The following GNB5 variants were observed in gnomAD, a reference collection of about 807,000 sequenced individuals.
GNB5 encodes the protein G protein subunit beta 5, also known as guanine nucleotide-binding protein subunit beta-5.
GNB5 carries 37 observed loss-of-function variants against 55.3 expected under a neutral mutation model. That is an observed-to-expected ratio of 0.67 (90% CI 0.51 to 0.88). The LOEUF (loss-of-function observed/expected upper bound fraction) is 0.88. Ranked by LOEUF, GNB5 falls within the 40% of genes least tolerant of loss-of-function variation. The pLI, the probability that GNB5 is intolerant of heterozygous loss-of-function variation, is 0.00. For synonymous variants in GNB5, 219 were observed against 198.5 expected (o/e 1.10, Z -0.87); for missense variants, 476 against 515.3 (o/e 0.92, Z 0.74).
chr15:52,179,798 C>T lies in GNB5; in HGVS notation c.208G>A (p.Glu70Lys), dbSNP rs1306632265. 9 of 1,546,864 alleles carry T rather than the reference C, an allele frequency of 5.8e-6. No individual in the cohort carries two copies. The highest frequency in any genetic ancestry group is 1.4e-5 in the African/African-American group (1 of 70,152). ...EAESLKGKLE[E>K]ERAKLHDVEL... ...ACATCGTGCAGCTTGGCTCGCTCCT[C>T]CTCCAGCTTGCCCTTGAGGCTCTCG... The change falls in exon 3 of 13, where the codon GAG (glutamate) becomes AAG (lysine). Residue 70 changes from glutamate (E) to lysine (K), a missense_variant. By Grantham distance (56) the Glu-to-Lys change is moderately conservative (BLOSUM62 1). Transcript: ENST00000261837.
At chr15:52,171,877 A>G (rs540333403) in intron 3 of GNB5, among the ~76,000 whole-genome samples, 1 of 152,376 alleles carries the variant, frequency 6.6e-6, no homozygotes, top group African/African-American at 2.4e-5. Flanking sequence ...ACATCCTTCT[A>G]TCAAATTTAG....
intron 7 of GNB5, among the ~76,000 whole-genome samples, chr15:52,136,360 TC>T (rs1416194870): frequency 6.6e-6 from 1 of 152,180 alleles, no homozygotes; most frequent in African/African-American, 2.4e-5. Context: ...TAGGAAGTGT[TC>T]CGTGAGTCTC....
intron 9 of GNB5, among the ~76,000 whole-genome samples, chr15:52,133,173 T>C (rs577424238): frequency 6.6e-6 from 1 of 152,298 alleles, no homozygotes; most frequent in African/African-American, 2.4e-5. Context: ...TTAGGGAGGA[T>C]ATTAATTGCT....
At chr15:52,136,064 AACACACACACACACAC>A (rs147163026) in intron 7 of GNB5, among the ~76,000 whole-genome samples, 20 of 98,044 alleles carry the variant, frequency 2.0e-4, no homozygotes, top group African/African-American at 9.1e-4. Context: ...GGAAAAGCAG[AACACACACACACACAC>A]ACACACACAC....
At position 52,133,442 on chromosome 15, in the gene GNB5, C is replaced by A; in HGVS notation, c.799G>T (p.Asp267Tyr). The change falls in exon 9 of 13, where the codon GAC becomes TAC. Residue 267 changes from aspartate to tyrosine, a missense_variant. By Grantham distance (160) the Asp-to-Tyr change is radical. Transcript: ENST00000261837. ...TGCACGCACTGGCCGGAGCGCATGT[C>A]CCACACCATGGCTTTCTTGTCACAT... ...GGCDKKAMVW[D>Y]MRSGQCVQAF... 1 of 1,612,772 alleles carries A rather than the reference C, an allele frequency of 6.2e-7. No homozygotes were observed. Among genetic ancestry groups the A allele is most frequent in the African/African-American group, 1.3e-5 (1 of 75,034 alleles).
At position 52,179,964 on chromosome 15, in the gene GNB5, G is replaced by A. The variant is rs1033641030; in HGVS notation, c.127-85C>T. 1.2e-5 allele frequency: 17 copies of A among 1,388,648 alleles called. No homozygotes were observed. The East Asian group carries it at 2.0e-4, about 17-fold the overall frequency. 86.0% of individuals were successfully genotyped at this position (1,388,648 alleles called of 1,614,324 possible). On this transcript the variant is annotated intron_variant, in intron 2 of 12. Transcript: ENST00000261837. ...GGGCGCCGCTCCAGCAGCCGTCCCC[G>A]GCCCCGAGCACCGCCCCGCGGCCCC...
intron 3 of GNB5, among the ~76,000 whole-genome samples, chr15:52,159,034 G>T (rs1566943856): frequency 6.6e-6 from 1 of 152,176 alleles, no homozygotes; most frequent in Non-Finnish European, 1.5e-5. Flanking sequence ...TCAGATGAGA[G>T]GAGGTCCTAG....
In GNB5 at chr15:52,117,102, A is replaced by ATATATATTTTTTTTTTTTTTT; in HGVS notation, c.*5654_*5655insAAAAAAAAAAAAAAATATATA. The stretch of plus-strand genomic sequence containing the variant: ...CCACGCCCAGCTAATATATATATAT[A>ATATATATTTTTTTTTTTTTTT]TTTTTTTTTAGTACAGACAGGGTTT... On this transcript the variant is annotated 3_prime_UTR_variant, in exon 13 of 13. Transcript: ENST00000261837. The ATATATATTTTTTTTTTTTTTT allele has an allele frequency of 9.2e-5, 8 of 87,098 alleles. No individual in the cohort carries two copies. The highest frequency in any genetic ancestry group is 4.9e-4 in the African/African-American group (8 of 16,444). The allele number at this position is 87,098 out of a possible 1,614,324, so 5.4% of individuals were successfully genotyped here.
intron 5 of GNB5, among the ~76,000 whole-genome samples, chr15:52,148,056 A>G (rs1279130798): frequency 6.8e-6 from 1 of 146,792 alleles, no homozygotes; most frequent in Non-Finnish European, 1.5e-5. Flanking sequence ...TCAACTAGCA[A>G]AAGCAAAAAA....
intron 4 of GNB5, among the ~76,000 whole-genome samples, chr15:52,151,898 G>A (rs2034104257): frequency 6.6e-6 from 1 of 152,008 alleles, no homozygotes; most frequent in Non-Finnish European, 1.5e-5. Context: ...TCGAGCCCAG[G>A]AAGTCAAGGC....
chr15:52,147,320 C>G (rs1478600469), intron 6 of GNB5, 139 bp downstream of exon 6: 11 of 664,352 alleles, frequency 1.7e-5, no homozygotes, highest in East Asian at 1.2e-4. Flanking sequence ...CTTCTTTGAT[C>G]AAGTTCAGGG....
rs1449447167 is a variant in GNB5, at chr15:52,147,546, GCA to G, written c.418-13_418-12del. 2.0e-6 allele frequency: 3 copies of G among 1,478,864 alleles called. No homozygotes were observed. Among genetic ancestry groups the G allele is most frequent in the Non-Finnish European group, 2.8e-6 (3 of 1,080,604 alleles). 91.6% of individuals were successfully genotyped at this position (1,478,864 alleles called of 1,614,324 possible). ...GGTGACCGCGTGCTCCTGAAACACA[GCA>G]CAGAGTGAACAACTAGCACTTCCAC... On this transcript the variant is annotated splice_polypyrimidine_tract_variant and intron_variant, in intron 5 of 12. Coordinates refer to ENST00000261837, the MANE Select transcript of GNB5 (RefSeq NM_016194.4).
intron 3 of GNB5, among the ~76,000 whole-genome samples, chr15:52,155,884 G>A (rs960521559): frequency 6.6e-6 from 1 of 152,138 alleles, no homozygotes; most frequent in Non-Finnish European, 1.5e-5. Flanking sequence ...TTTATCTTTT[G>A]TAATGAAAAG....
intron 3 of GNB5, among the ~76,000 whole-genome samples, chr15:52,158,917 C>G (rs190718712): frequency 3.9e-4 from 59 of 152,234 alleles, no homozygotes; most frequent in African/African-American, 1.3e-3. Flanking sequence ...GTGGGACTTG[C>G]TAAGCTAGAT....
chr15:52,133,091 T>C (rs2033620300), intron 9 of GNB5, among the ~76,000 whole-genome samples: 2 of 152,244 alleles, frequency 1.3e-5, no homozygotes, highest in African/African-American at 2.4e-5. Flanking sequence ...TCCCAGTTCC[T>C]AGAATAATAT....
chr15:52,169,176 T>G (rs1236772579), intron 3 of GNB5, among the ~76,000 whole-genome samples: 2 of 151,526 alleles, frequency 1.3e-5, no homozygotes, highest in African/African-American at 4.9e-5. Context: ...ATACAAAAAT[T>G]AGGTGTGGTG....
intron 1 of GNB5, among the ~76,000 whole-genome samples, chr15:52,184,919 G>A (rs575688268): frequency 3.9e-5 from 6 of 152,348 alleles, no homozygotes; most frequent in South Asian, 2.1e-4. Flanking sequence ...AACTTAACAC[G>A]TTTAACCAGT....
chr15:52,183,384 G>A (rs968495346), intron 2 of GNB5, among the ~76,000 whole-genome samples: 3 of 151,426 alleles, frequency 2.0e-5, no homozygotes, highest in Admixed American at 6.6e-5. Context: ...AGAACTAAAT[G>A]TCCTCAGTTC....
chr15:52,155,862 G>A (rs1001900770), intron 3 of GNB5, among the ~76,000 whole-genome samples: 17 of 152,188 alleles, frequency 1.1e-4, no homozygotes, highest in African/African-American at 4.1e-4. Flanking sequence ...CTCTCCACTG[G>A]AGAGTTACCA....
Sources: allele counts gnomAD v4.1 joint callset (sites outside exome capture counted in the v4.1 genomes callset), GRCh38; gene constraint gnomAD v4.1.1; transcripts MANE v1.5; gene names NCBI Gene and HGNC (gene_info 2026-07-23, HGNC 2026-07-21).